Variants in NEK11 observed in about 807,000 individuals in gnomAD.
The protein encoded by NEK11 is NIMA related kinase 11.
A neutral mutation model predicts 80.7 loss-of-function variants in NEK11; 72 were observed. That is an observed-to-expected ratio of 0.89 (90% CI 0.74 to 1.08). The LOEUF is 1.08. Among genes scored for constraint, NEK11 ranks in the 50% least tolerant of loss-of-function variants. The pLI is 0.00. For missense variants in NEK11, 764 were observed against 763.6 expected (o/e 1.00, Z -0.01); for synonymous variants, 251 against 260.7 (o/e 0.96, Z 0.36).
Position 131,152,699 on chromosome 3 carries a change from A to G in NEK11, c.866A>G (p.Glu289Gly). 6.2e-7 allele frequency: 1 copy of G among 1,607,912 alleles called. No homozygotes were observed. The highest frequency in any genetic ancestry group is 8.5e-7 in the Non-Finnish European group (1 of 1,174,782). The change falls in exon 9 of 18, where the codon GAG (glutamate) becomes GGG (glycine). Residue 289 changes from glutamate (E) to glycine (G), a missense_variant. Transcript: ENST00000383366. ...ATTTTAAAAATCCCTTACCTTGATG[A>G]GCAGCTACAGGTATTTAAAATGAAA... is the stretch of plus-strand genomic sequence containing the variant. ...IEILKIPYLD[E>G]QLQNLMCRYS...
chr3:131,179,521 A>G (rs2093229785), intron 14 of NEK11, among the ~76,000 whole-genome samples: 1 of 152,230 alleles, frequency 6.6e-6, no homozygotes, highest in Non-Finnish European at 1.5e-5. Context: ...GGAAAAAAGC[A>G]GTAGCTCTAA....
At chr3:131,082,952 T>C (rs185964066) in intron 4 of NEK11, among the ~76,000 whole-genome samples, 1 of 152,314 alleles carries the variant, frequency 6.6e-6, no homozygotes, top group East Asian at 1.9e-4. Flanking sequence ...AGTACAGTAA[T>C]CAAAATCAGG....
In NEK11 at chr3:131,183,136, G is replaced by A. The variant is rs191638446; in HGVS notation, c.1399+12249G>A. ...AGTGGTATACTTGAGAGGGCTGAAA[G>A]GTGACTACCGATTAAGAAAGAGCAG... On this transcript the variant is annotated intron_variant, in intron 14 of 17. Coordinates refer to ENST00000383366, the MANE Select transcript of NEK11 (RefSeq NM_024800.5). Among the ~76,000 whole-genome samples, 37 of 152,258 alleles carry A rather than the reference G, an allele frequency of 2.4e-4. No individual in the cohort carries two copies. The East Asian group carries it at 6.4e-3, about 26-fold the overall frequency.
intron 11 of NEK11, chr3:131,165,151 A>C (rs2092081857): frequency 2.9e-6 from 1 of 346,328 alleles, no homozygotes. Context: ...CTGTCATTGC[A>C]CTTGGAGAAC....
chr3:131,289,695 T>G (rs1158674469), intron 17 of NEK11, among the ~76,000 whole-genome samples: 1 of 152,178 alleles, frequency 6.6e-6, no homozygotes, highest in East Asian at 1.9e-4. Flanking sequence ...GGTCTCAGGT[T>G]CTAGGTGGTG....
At chr3:131,283,853 T>A (rs894181741) in intron 17 of NEK11, among the ~76,000 whole-genome samples, 3 of 152,106 alleles carry the variant, frequency 2.0e-5, no homozygotes, top group Non-Finnish European at 2.9e-5. Flanking sequence ...CAAATAAGGG[T>A]TCCTTACCCA....
intron 4 of NEK11, among the ~76,000 whole-genome samples, chr3:131,101,722 C>T (rs750916349): frequency 1.3e-5 from 2 of 152,146 alleles, no homozygotes; most frequent in Non-Finnish European, 2.9e-5. Context: ...ATGGAGTGTT[C>T]TATAAATGTT....
intron 5 of NEK11, among the ~76,000 whole-genome samples, chr3:131,122,099 C>T (rs537290379): frequency 3.3e-5 from 5 of 152,148 alleles, no homozygotes; most frequent in South Asian, 2.1e-4. Context: ...TGTTCCTATT[C>T]GGCCATCTTG....
At chr3:131,315,711 C>CA (rs1187208399) in intron 17 of NEK11, among the ~76,000 whole-genome samples, 2 of 151,974 alleles carry the variant, frequency 1.3e-5, no homozygotes, top group African/African-American at 4.8e-5. Context: ...ATCCCTCCCC[C>CA]ACCAACCCCC....
intron 4 of NEK11, among the ~76,000 whole-genome samples, chr3:131,102,765 A>G (rs986617335): frequency 6.6e-6 from 1 of 152,170 alleles, no homozygotes; most frequent in Non-Finnish European, 1.5e-5. Flanking sequence ...CCTCAAATAT[A>G]TTATCTGAGT....
chr3:131,183,886 T>C (rs1250717038), intron 14 of NEK11, among the ~76,000 whole-genome samples: 1 of 152,210 alleles, frequency 6.6e-6, no homozygotes, highest in African/African-American at 2.4e-5. Context: ...GTTGTACTAA[T>C]TTGTATTCCC....
intron 3 of NEK11, among the ~76,000 whole-genome samples, chr3:131,072,909 G>A (rs142175680): frequency 8.5e-5 from 13 of 152,266 alleles, no homozygotes; most frequent in Non-Finnish European, 1.5e-4. Context: ...AACAAATGCA[G>A]ACTTTTGTTG....
chr3:131,192,848 T>C (rs2093852274), intron 14 of NEK11, among the ~76,000 whole-genome samples: 1 of 152,178 alleles, frequency 6.6e-6, no homozygotes, highest in Non-Finnish European at 1.5e-5. Flanking sequence ...TAAAAAGTTC[T>C]GGACAGGGAT....
At chr3:131,205,069 A>G (rs2094403767) in intron 14 of NEK11, among the ~76,000 whole-genome samples, 2 of 152,142 alleles carry the variant, frequency 1.3e-5, no homozygotes, top group Middle Eastern at 3.2e-3. Context: ...GGCGATAGGG[A>G]TGAAGGTAAG....
intron 3 of NEK11, among the ~76,000 whole-genome samples, chr3:131,072,528 T>C (rs1317244806): frequency 6.6e-6 from 1 of 152,110 alleles, no homozygotes; most frequent in African/African-American, 2.4e-5. Context: ...CAATATTCGA[T>C]GACTCTGCCC....
At chr3:131,213,636 C>T (rs538154968) in intron 14 of NEK11, among the ~76,000 whole-genome samples, 2 of 152,222 alleles carry the variant, frequency 1.3e-5, no homozygotes, top group East Asian at 3.9e-4. Context: ...TGGCCAGGAA[C>T]AGAAATCAGT....
intron 15 of NEK11, among the ~76,000 whole-genome samples, chr3:131,241,414 A>G (rs762343682): frequency 3.9e-5 from 6 of 152,130 alleles, no homozygotes; most frequent in Non-Finnish European, 7.4e-5. Flanking sequence ...TTAGGGAGCA[A>G]TGGTCCAGCC....
chr3:131,228,208 T>G lies in NEK11; in HGVS notation c.1400-320T>G, dbSNP rs535901447. Among the ~76,000 whole-genome samples, 14 of 152,308 alleles carry G rather than the reference T, an allele frequency of 9.2e-5. No individual in the cohort carries two copies. The South Asian group carries it at 1.0e-3, about 11-fold the overall frequency. The stretch of plus-strand genomic sequence containing the variant: ...TCTTGTCCTACCTTTGCCCCTAAAT[T>G]TCCTCATTTTTAATAAGGATTCATG... On this transcript the variant is annotated intron_variant, in intron 14 of 17. Coordinates refer to ENST00000383366, the MANE Select transcript of NEK11 (RefSeq NM_024800.5).
intron 17 of NEK11, among the ~76,000 whole-genome samples, chr3:131,332,999 CCTG>C (rs1453609452): frequency 1.5e-4 from 23 of 152,228 alleles, no homozygotes; most frequent in African/African-American, 5.3e-4. Flanking sequence ...GATTGGTGTA[CCTG>C]AAAGTGACGG....
Sources: allele counts gnomAD v4.1 joint callset (sites outside exome capture counted in the v4.1 genomes callset), GRCh38; gene constraint gnomAD v4.1.1; transcripts MANE v1.5; gene names NCBI Gene and HGNC (gene_info 2026-07-23, HGNC 2026-07-21).